The following PPP2R2B variants were observed in gnomAD, a reference collection of about 807,000 sequenced individuals.
PPP2R2B encodes the protein serine/threonine-protein phosphatase 2A 55 kDa regulatory subunit B beta isoform.
Under a neutral mutation model 46.0 loss-of-function variants are expected in PPP2R2B, and 5 were observed. That is an observed-to-expected ratio of 0.11 (90% confidence interval 0.06 to 0.23). PPP2R2B has a LOEUF of 0.23. Among genes scored for constraint, PPP2R2B ranks in the 10% least tolerant of loss-of-function variants. The pLI is 1.00. For missense variants in PPP2R2B, 367 were observed against 575.0 expected, an observed-to-expected ratio of 0.64 and a Z score of 3.70; for synonymous variants, 215 against 206.7, an observed-to-expected ratio of 1.04 and a Z score of -0.34.
chr5:146,610,251 C>T (rs1196931976), intron 7 of PPP2R2B, among the ~76,000 whole-genome samples: 1 of 17,828 alleles, frequency 5.6e-5, no homozygotes, highest in Non-Finnish European at 1.1e-4. Flanking sequence ...ACACCTCACA[C>T]GGCAGGGTAT....
intron 1 of PPP2R2B, among the ~76,000 whole-genome samples, chr5:146,914,728 G>A (rs1763316767): frequency 6.6e-6 from 1 of 152,212 alleles, no homozygotes; most frequent in Non-Finnish European, 1.5e-5. Flanking sequence ...AATAAGTATA[G>A]GGTTGGGTTT....
upstream of PPP2R2B, chr5:146,879,027 C>G (rs1168814570): frequency 1.4e-6 from 1 of 720,456 alleles, no homozygotes; most frequent in Non-Finnish European, 1.8e-6. Context: ...CACCCAGAGC[C>G]CCTAGCTCCC....
chr5:146,844,364 A>AC (rs1276298676), intron 2 of PPP2R2B, among the ~76,000 whole-genome samples: 2 of 132,660 alleles, frequency 1.5e-5, no homozygotes, highest in East Asian at 6.3e-4. Flanking sequence ...AAAAAAAAAA[A>AC]AACATTAAAA....
At chr5:146,710,803 G>A (rs1295550130) in intron 2 of PPP2R2B, among the ~76,000 whole-genome samples, 1 of 152,204 alleles carries the variant, frequency 6.6e-6, no homozygotes, top group Non-Finnish European at 1.5e-5. Flanking sequence ...TCACATCTGT[G>A]GGGGAATGGG....
Position 146,845,291 on chromosome 5 carries a change from T to A in PPP2R2B, c.70+32711A>T, listed in dbSNP as rs560632660. On this transcript the variant is annotated intron_variant, in intron 2 of 9. Coordinates refer to ENST00000394411, the MANE Select transcript of PPP2R2B (RefSeq NM_181675.4). ...CATAGCATAATTTATGACTATTTCT[T>A]TTCTTTTCCTTTTCTTTTTTTTGTT... Among the ~76,000 whole-genome samples, 4 of 88,032 alleles carry A rather than the reference T, an allele frequency of 4.5e-5. No homozygotes were observed. The South Asian group carries it at 2.0e-3, about 45-fold the overall frequency. The allele number at this position is 88,032 out of a possible 152,430, so 57.8% of individuals were successfully genotyped here.
chr5:146,960,852 G>T (rs1430302354), intron 1 of PPP2R2B, among the ~76,000 whole-genome samples: 4 of 152,086 alleles, frequency 2.6e-5, no homozygotes, highest in Non-Finnish European at 2.9e-5. Context: ...GTTGTGGAAG[G>T]TACACCTCAC....
intron 1 of PPP2R2B, among the ~76,000 whole-genome samples, chr5:146,950,557 G>A (rs1347325900): frequency 6.6e-6 from 1 of 151,958 alleles, no homozygotes; most frequent in African/African-American, 2.4e-5. Flanking sequence ...CTGAGACAAG[G>A]CCAAACATCA....
At chr5:146,733,568 C>T (rs1752357191) in intron 2 of PPP2R2B, among the ~76,000 whole-genome samples, 1 of 152,176 alleles carries the variant, frequency 6.6e-6, no homozygotes, top group South Asian at 2.1e-4. Context: ...GAGAAGATGA[C>T]AGGATACTGA....
chr5:146,814,242 T>C (rs976876551), intron 2 of PPP2R2B, among the ~76,000 whole-genome samples: 3 of 152,084 alleles, frequency 2.0e-5, no homozygotes, highest in Non-Finnish European at 2.9e-5. Flanking sequence ...TTTCTCTTTT[T>C]TGGGGAGACA....
chr5:146,837,301 G>A (rs1045626812), intron 2 of PPP2R2B, among the ~76,000 whole-genome samples: 1 of 152,188 alleles, frequency 6.6e-6, no homozygotes, highest in Admixed American at 6.5e-5. Flanking sequence ...GTTGTTCTGA[G>A]CCCATTTAAA....
chr5:146,673,796 T>C (rs1043021824), intron 5 of PPP2R2B, among the ~76,000 whole-genome samples: 22 of 152,316 alleles, frequency 1.4e-4, no homozygotes, highest in Admixed American at 1.2e-3. Flanking sequence ...TACTGAGCTT[T>C]CAAAAACAGG....
At chr5:146,918,861 AG>A (rs983054303) in intron 1 of PPP2R2B, among the ~76,000 whole-genome samples, 1 of 152,198 alleles carries the variant, frequency 6.6e-6, no homozygotes, top group Non-Finnish European at 1.5e-5. Context: ...GTTAAAAAAG[AG>A]GAAAAACTCT....
chr5:147,003,253 C>T (rs1488444099), intron 1 of PPP2R2B, among the ~76,000 whole-genome samples: 1 of 151,996 alleles, frequency 6.6e-6, no homozygotes, highest in African/African-American at 2.4e-5. Flanking sequence ...TGATAAGCCT[C>T]CTCTAATCTC....
At position 146,774,787 on chromosome 5, in the gene PPP2R2B, A is replaced by T. The variant is rs926153599; in HGVS notation, c.71-73645T>A. Among the ~76,000 whole-genome samples the T allele has an allele frequency of 2.6e-5, 4 of 151,220 alleles. No individual in the cohort carries two copies. In the South Asian group the frequency reaches 8.4e-4, roughly 32 times the overall value. On this transcript the variant is annotated intron_variant, in intron 2 of 9. Transcript: ENST00000394411. ...AGCTGAGATCATGCCACTGCACTCC[A>T]GCCTGGGAGATAGAGCAAGACTCTG...
intron 2 of PPP2R2B, among the ~76,000 whole-genome samples, chr5:146,819,905 T>C (rs1193873853): frequency 2.0e-5 from 3 of 152,150 alleles, no homozygotes; most frequent in African/African-American, 7.2e-5. Flanking sequence ...AAAAATGAAA[T>C]TGTGTCATTT....
rs141418337 is a variant in PPP2R2B at position 146,850,760 on chromosome 5, T to C, written c.70+27242A>G. Among the ~76,000 whole-genome samples, 539 of 152,256 alleles carry C rather than the reference T, an allele frequency of 3.5e-3. 4 individuals carry two copies. The highest frequency in any genetic ancestry group is 0.012 in the African/African-American group (507 of 41,552). ...TGTCACGGTTGCAATTGTACATTTA[T>C]CTTTATTATTCTTTATTAATATATT... On this transcript the variant is annotated intron_variant, in intron 2 of 9. Coordinates refer to ENST00000394411, the MANE Select transcript of PPP2R2B (RefSeq NM_181675.4).
intron 7 of PPP2R2B, among the ~76,000 whole-genome samples, chr5:146,627,449 G>A (rs1366962094): frequency 6.6e-6 from 1 of 152,158 alleles, no homozygotes; most frequent in African/African-American, 2.4e-5. Flanking sequence ...GTTTGTAGAT[G>A]AGGGTGAAGA....
At chr5:146,990,756 ACAAT>A (rs1362834668) in intron 1 of PPP2R2B, among the ~76,000 whole-genome samples, 3 of 152,166 alleles carry the variant, frequency 2.0e-5, no homozygotes, top group Non-Finnish European at 4.4e-5. Flanking sequence ...AGATAAGGAA[ACAAT>A]CAACCGAGTG....
chr5:146,771,222 T>A (rs1198309331), intron 2 of PPP2R2B, among the ~76,000 whole-genome samples: 1 of 152,146 alleles, frequency 6.6e-6, no homozygotes, highest in Non-Finnish European at 1.5e-5. Flanking sequence ...CCAAGAAGAC[T>A]GAATGAGCAG....
Sources: allele counts gnomAD v4.1 joint callset (sites outside exome capture counted in the v4.1 genomes callset), GRCh38; gene constraint gnomAD v4.1.1; transcripts MANE v1.5; gene names NCBI Gene and HGNC (gene_info 2026-07-23, HGNC 2026-07-21).